The following MAP3K20 variants were observed in gnomAD, a reference collection of about 807,000 sequenced individuals.
MAP3K20 encodes HCCS-4.
MAP3K20 carries 40 observed loss-of-function variants against 85.7 expected under a neutral mutation model. The ratio of observed to expected loss-of-function variants is 0.47; its 90% CI spans 0.36 to 0.61. The LOEUF is 0.61. Among genes scored for constraint, MAP3K20 ranks in the 20% least tolerant of loss-of-function variants. The pLI is 0.00. For synonymous variants in MAP3K20, 325 were observed against 327.7 expected, an observed-to-expected ratio of 0.99 and a Z score of 0.09; for missense variants, 817 against 961.7, an observed-to-expected ratio of 0.85 and a Z score of 1.99.
At chr2:173,189,962 A>G (rs576600326) in intron 5 of MAP3K20, among the ~76,000 whole-genome samples, 4 of 152,168 alleles carry the variant, frequency 2.6e-5, no homozygotes, top group Non-Finnish European at 5.9e-5. Flanking sequence ...CCTTGCCTCC[A>G]GGTCTATTCT....
rs189474063 is a variant in MAP3K20, at chr2:173,238,246, G to A, written c.1204-127G>A. 338 of 742,696 alleles carry A rather than the reference G, an allele frequency of 4.6e-4. 3 individuals are homozygous for A. The East Asian group carries it at 6.6e-3, about 14-fold the overall frequency. 46.0% of individuals were successfully genotyped at this position (742,696 alleles called of 1,614,324 possible). On this transcript the variant is annotated intron_variant, in intron 14 of 19. Transcript: ENST00000375213. ...TGAGATTTATTCTAAATAGACGTTG[G>A]ATATAAATGCCCCCAAGATATTTTA... is the stretch of plus-strand genomic sequence containing the variant.
intron 1 of MAP3K20, among the ~76,000 whole-genome samples, chr2:173,087,569 A>G (rs1687177324): frequency 6.6e-6 from 1 of 152,344 alleles, no homozygotes; most frequent in African/African-American, 2.4e-5. Flanking sequence ...TCCTAAACAT[A>G]TCCTATTAAA....
intron 11 of MAP3K20, chr2:173,222,582 T>TAA: frequency 2.6e-5 from 26 of 985,198 alleles, no homozygotes; most frequent in Non-Finnish European, 3.1e-5. Context: ...GTGGGGTATG[T>TAA]GTGGTGGTTT....
At position 173,127,736 on chromosome 2, in the gene MAP3K20, C is replaced by CA. The variant is rs5836401; in HGVS notation, c.159+36559dup. On this transcript the variant is annotated intron_variant, in intron 2 of 19. Coordinates refer to ENST00000375213, the MANE Select transcript of MAP3K20 (RefSeq NM_016653.3). The stretch of plus-strand genomic sequence containing the variant: ...CAGTAAAATTTATCCTATGTTAGGA[C>CA]AAAAAAAAAAAAAGTAAGACATAAA... 6.6e-4 allele frequency among the ~76,000 whole-genome samples: 95 copies of CA among 143,114 alleles called. 1 individual carries two copies. In the South Asian group the frequency reaches 0.014, roughly 21 times the overall value. 93.9% of individuals were successfully genotyped at this position (143,114 alleles called of 152,430 possible).
At chr2:173,139,897 T>C (rs1688917018) in intron 2 of MAP3K20, among the ~76,000 whole-genome samples, 1 of 152,186 alleles carries the variant, frequency 6.6e-6, no homozygotes, top group South Asian at 2.1e-4. Flanking sequence ...TCCTAGATTT[T>C]AAATTTTTAT....
intron 5 of MAP3K20, among the ~76,000 whole-genome samples, chr2:173,190,325 TTTAA>T (rs778229211): frequency 1.5e-4 from 23 of 152,222 alleles, no homozygotes; most frequent in Non-Finnish European, 2.9e-4. Flanking sequence ...TAGATGTTTA[TTTAA>T]TTGTCTCTCT....
chr2:173,197,872 A>T (rs1690902551), intron 7 of MAP3K20, 154 bp from the exon 8 acceptor site: 2 of 450,278 alleles, frequency 4.4e-6, no homozygotes, highest in South Asian at 3.4e-5. Flanking sequence ...TATATAGAAG[A>T]AGTTGTGTGC....
At chr2:173,244,221 T>C (rs964491552) in intron 16 of MAP3K20, among the ~76,000 whole-genome samples, 4 of 152,134 alleles carry the variant, frequency 2.6e-5, no homozygotes, top group African/African-American at 7.2e-5. Context: ...AAAAGTGAAA[T>C]ATACAATGTG....
At chr2:173,085,886 CT>C (rs898626649) in intron 1 of MAP3K20, among the ~76,000 whole-genome samples, 4 of 143,176 alleles carry the variant, frequency 2.8e-5, no homozygotes, top group Admixed American at 2.2e-4. Context: ...ACCTCTGCCT[CT>C]ACGGTTCGAG....
intron 1 of MAP3K20, among the ~76,000 whole-genome samples, chr2:173,079,628 A>G (rs1370402416): frequency 3.3e-5 from 5 of 151,638 alleles, no homozygotes; most frequent in Non-Finnish European, 5.9e-5. Flanking sequence ...TTATTCTGTA[A>G]GATTTTTTTT....
At chr2:173,229,951 C>A (rs1684483898) in intron 12 of MAP3K20, among the ~76,000 whole-genome samples, 1 of 152,184 alleles carries the variant, frequency 6.6e-6, no homozygotes, top group Admixed American at 6.5e-5. Context: ...CCTGCCTCAG[C>A]CTCCTGAGTA....
At chr2:173,221,175 T>C (rs1684235540) in intron 11 of MAP3K20, 1 of 1,547,072 alleles carries the variant, frequency 6.5e-7, no homozygotes, top group South Asian at 1.2e-5. Context: ...GCTGCAAGAA[T>C]GTCTGAGGAG....
At chr2:173,188,962 A>G (rs1233929126) in intron 5 of MAP3K20, among the ~76,000 whole-genome samples, 3 of 152,200 alleles carry the variant, frequency 2.0e-5, no homozygotes, top group Non-Finnish European at 4.4e-5. Context: ...GATTAACTAA[A>G]TTATGGATTT....
At chr2:173,115,613 A>G (rs1201856888) in intron 2 of MAP3K20, among the ~76,000 whole-genome samples, 1 of 152,052 alleles carries the variant, frequency 6.6e-6, no homozygotes, top group Non-Finnish European at 1.5e-5. Context: ...TGTTCTCTTG[A>G]TGTAGTACTC....
intron 2 of MAP3K20, among the ~76,000 whole-genome samples, chr2:173,128,488 A>G (rs1343998318): frequency 3.3e-5 from 5 of 151,864 alleles, no homozygotes; most frequent in African/African-American, 1.2e-4. Context: ...GCGCACCACC[A>G]GCCCAGCTAA....
intron 11 of MAP3K20, chr2:173,226,848 T>A (rs772892933): frequency 2.0e-6 from 2 of 984,816 alleles, no homozygotes; most frequent in Non-Finnish European, 2.4e-6. Context: ...TAGATGGCAT[T>A]ATCACTTTAT....
chr2:173,218,408 A>C (rs1684138862), intron 11 of MAP3K20, among the ~76,000 whole-genome samples: 1 of 152,244 alleles, frequency 6.6e-6, no homozygotes, highest in Admixed American at 6.5e-5. Flanking sequence ...TTGAATTGCT[A>C]TCCCTAACAC....
intron 4 of MAP3K20, among the ~76,000 whole-genome samples, chr2:173,184,406 G>C (rs765600237): frequency 6.6e-6 from 1 of 152,176 alleles, no homozygotes; most frequent in Non-Finnish European, 1.5e-5. Context: ...GCTAACATCA[G>C]TCACTCTGCT....
intron 9 of MAP3K20, chr2:173,207,723 T>TTG (rs1452482988): frequency 6.6e-6 from 1 of 151,050 alleles, no homozygotes; most frequent in Non-Finnish European, 1.5e-5. Flanking sequence ...GGTCCCAGTT[T>TTG]TTTTTTTTTT....
Sources: allele counts gnomAD v4.1 joint callset (sites outside exome capture counted in the v4.1 genomes callset), GRCh38; gene constraint gnomAD v4.1.1; transcripts MANE v1.5; gene names NCBI Gene and HGNC (gene_info 2026-07-23, HGNC 2026-07-21).